The following KIRREL3 variants were observed in gnomAD, a reference collection of about 807,000 sequenced individuals.
KIRREL3 encodes the protein kin of IRRE-like protein 3.
KIRREL3 carries 36 observed loss-of-function variants against 89.7 expected under a neutral mutation model. The observed-to-expected ratio is 0.40, with a 90% CI of 0.31 to 0.53. The LOEUF is 0.53. KIRREL3 is among the 20% of genes least tolerant of loss of function. KIRREL3 has a pLI of 0.49. For missense variants in KIRREL3, 864 were observed against 1,056.6 expected (o/e 0.82, Z 2.53); for synonymous variants, 445 against 441.4 (o/e 1.01, Z -0.10).
At chr11:126,646,751 A>C (rs1047193048) in intron 1 of KIRREL3, among the ~76,000 whole-genome samples, 1 of 152,168 alleles carries the variant, frequency 6.6e-6, no homozygotes, top group Non-Finnish European at 1.5e-5. Flanking sequence ...CTGGGATTAC[A>C]GGAGTGAGCC....
At chr11:126,717,484 T>A (rs1248911694) in intron 1 of KIRREL3, among the ~76,000 whole-genome samples, 1 of 152,168 alleles carries the variant, frequency 6.6e-6, no homozygotes, top group Admixed American at 6.5e-5. Flanking sequence ...CTCAGATGCT[T>A]TGAAAGTTCT....
chr11:126,870,171 C>T lies in KIRREL3; in HGVS notation c.55+130284G>A, dbSNP rs969914264. On this transcript the variant is annotated intron_variant, in intron 1 of 16. Transcript: ENST00000525144. The surrounding 1 kb of genome is among the most constrained non-coding windows in gnomAD (Gnocchi z 4.4). ...GAGTGTGGGGCACAGGGTCGTATGT[C>T]CTGGGGCAGGGCTCCCTGTTCACGG... Among the ~76,000 whole-genome samples, 3 of 152,138 alleles carry T rather than the reference C, an allele frequency of 2.0e-5. No individual in the cohort carries two copies. The highest frequency in any genetic ancestry group is 7.2e-5 in the African/African-American group (3 of 41,428).
chr11:126,714,639 A>C (rs1159280727), intron 1 of KIRREL3, among the ~76,000 whole-genome samples: 1 of 152,154 alleles, frequency 6.6e-6, no homozygotes, highest in Non-Finnish European at 1.5e-5. Context: ...GGAGAATGCC[A>C]CGTCCCAGAG....
In KIRREL3 at chr11:126,512,151, C is replaced by G. The variant is rs567898546; in HGVS notation, c.433+9164G>C. Among the ~76,000 whole-genome samples, 3 of 152,348 alleles carry G rather than the reference C, an allele frequency of 2.0e-5. No individual in the cohort carries two copies. The South Asian group carries it at 6.2e-4, about 32-fold the overall frequency. On this transcript the variant is annotated intron_variant, in intron 4 of 16. Coordinates refer to ENST00000525144, the MANE Select transcript of KIRREL3 (RefSeq NM_032531.4). ...CGATGAGTCTGTGCTTCCATTACCC[C>G]CCTCTTTCCTGGGCCTGACAAGGAG...
rs1190405954 is a variant in KIRREL3, at chr11:126,924,430, T to C, written c.55+76025A>G. ...AAATATGTGTTCAATGAAAAAATAA[T>C]TGGGATCTAAAATAAAGAGGATTTC... is the stretch of plus-strand genomic sequence containing the variant. On this transcript the variant is annotated intron_variant, in intron 1 of 16. Coordinates refer to ENST00000525144, the MANE Select transcript of KIRREL3 (RefSeq NM_032531.4). This position sits in a 1 kb window ranked among gnomAD's most constrained non-coding sequence, Gnocchi z 4.7. Among the ~76,000 whole-genome samples the C allele has an allele frequency of 2.6e-5, 4 of 152,130 alleles. No individual in the cohort carries two copies. Among genetic ancestry groups the C allele is most frequent in the South Asian group, 2.1e-4 (1 of 4,828 alleles).
chr11:126,862,097 G>A (rs914440730), intron 1 of KIRREL3, among the ~76,000 whole-genome samples: 1 of 152,242 alleles, frequency 6.6e-6, no homozygotes, highest in Non-Finnish European at 1.5e-5. Flanking sequence ...CCAGGTGATG[G>A]AGGGAGGAAA....
rs1420898189 is a variant in KIRREL3, at chr11:126,528,737, AG to A, written c.134-2051del. On this transcript the variant is annotated intron_variant, in intron 2 of 16. Coordinates refer to ENST00000525144, the MANE Select transcript of KIRREL3 (RefSeq NM_032531.4). This position sits in a 1 kb window ranked among gnomAD's most constrained non-coding sequence, Gnocchi z 4.6. ...AGGAGGGAAGAGATGAGAGAGGAGA[AG>A]GGGAGAGGAGGGAGGGACTGGAGAG... 6.6e-6 allele frequency among the ~76,000 whole-genome samples: 1 copy of A among 150,956 alleles called. No individual in the cohort carries two copies. Among genetic ancestry groups the A allele is most frequent in the African/African-American group, 2.4e-5 (1 of 41,064 alleles).
In KIRREL3 at chr11:126,587,631, G is replaced by A. The variant is rs959725257; in HGVS notation, c.56-24719C>T. ...AATCCCTGAATCAAAATAAAAATCC[G>A]GCTGCACTTTATCTCGCTGAAGGAC... On this transcript the variant is annotated intron_variant, in intron 1 of 16. Coordinates refer to ENST00000525144, the MANE Select transcript of KIRREL3 (RefSeq NM_032531.4). This position sits in a 1 kb window ranked among gnomAD's most constrained non-coding sequence, Gnocchi z 5.2. Among the ~76,000 whole-genome samples, 5 of 152,120 alleles carry A rather than the reference G, an allele frequency of 3.3e-5. No homozygotes were observed. Among genetic ancestry groups the A allele is most frequent in the Admixed American group, 1.3e-4 (2 of 15,270 alleles).
At chr11:126,466,801 G>T (rs1193410663) in intron 5 of KIRREL3, among the ~76,000 whole-genome samples, 2 of 152,130 alleles carry the variant, frequency 1.3e-5, no homozygotes, top group Non-Finnish European at 2.9e-5. Context: ...CACACCATGG[G>T]CATTGAACCT....
rs140203708 is a variant in KIRREL3 at position 126,438,950 on chromosome 11, A to G, written c.1353+1499T>C. On this transcript the variant is annotated intron_variant, in intron 11 of 16. Coordinates refer to ENST00000525144, the MANE Select transcript of KIRREL3 (RefSeq NM_032531.4). ...CCTGCACAACTGCCCTGCCCACTCC[A>G]CCCCTGGACAGTCTTCTAGCAGGAT... is the stretch of plus-strand genomic sequence containing the variant. 3.1e-3 allele frequency among the ~76,000 whole-genome samples: 474 copies of G among 152,226 alleles called. 6 individuals carry two copies. Among genetic ancestry groups the G allele is most frequent in the African/African-American group, 0.011 (441 of 41,534 alleles).
At position 126,557,105 on chromosome 11, in the gene KIRREL3, G is replaced by A. The variant is rs1326701723; in HGVS notation, c.133+5730C>T. Among the ~76,000 whole-genome samples, 1 of 152,162 alleles carries A rather than the reference G, an allele frequency of 6.6e-6. No homozygotes were observed. The highest frequency in any genetic ancestry group is 6.5e-5 in the Admixed American group (1 of 15,284). On this transcript the variant is annotated intron_variant, in intron 2 of 16. Coordinates refer to ENST00000525144, the MANE Select transcript of KIRREL3 (RefSeq NM_032531.4). The surrounding 1 kb of genome is among the most constrained non-coding windows in gnomAD (Gnocchi z 5.6). Reference sequence around the variant, plus strand: ...CTGCAACAGAGTGAGAAGTGCTGCCGGTAGCAGGGAGGCCTGCTCATCCCT... The same window carrying A: ...CTGCAACAGAGTGAGAAGTGCTGCCAGTAGCAGGGAGGCCTGCTCATCCCT...
chr11:126,909,250 G>A lies in KIRREL3; in HGVS notation c.55+91205C>T, dbSNP rs949286993. 7.2e-5 allele frequency among the ~76,000 whole-genome samples: 11 copies of A among 152,124 alleles called. No homozygotes were observed. The highest frequency in any genetic ancestry group is 1.4e-4 in the African/African-American group (6 of 41,436). On this transcript the variant is annotated intron_variant, in intron 1 of 16. Coordinates refer to ENST00000525144, the MANE Select transcript of KIRREL3 (RefSeq NM_032531.4). This position sits in a 1 kb window ranked among gnomAD's most constrained non-coding sequence, Gnocchi z 4.5. ...GGAGAGGGAGGAGTTCATGGGAGGTGTGGCACTAAAACCCAGGCTCCGGCC... is the reference window on the plus strand; with the variant it reads ...GGAGAGGGAGGAGTTCATGGGAGGTATGGCACTAAAACCCAGGCTCCGGCC...
In KIRREL3 at chr11:126,766,250, C is replaced by A. The variant is rs1033345298; in HGVS notation, c.56-203338G>T. ...CTCAGTTGGCTGAGAACAGTAGGAG[C>A]CCATAACAGACAGCATGTCATCCAT... On this transcript the variant is annotated intron_variant, in intron 1 of 16. Coordinates refer to ENST00000525144, the MANE Select transcript of KIRREL3 (RefSeq NM_032531.4). This position sits in a 1 kb window ranked among gnomAD's most constrained non-coding sequence, Gnocchi z 4.2. Among the ~76,000 whole-genome samples, 4 of 152,026 alleles carry A rather than the reference C, an allele frequency of 2.6e-5. No homozygotes were observed. Among genetic ancestry groups the A allele is most frequent in the Admixed American group, 2.6e-4 (4 of 15,250 alleles).
rs574092603 is a variant in KIRREL3, at chr11:126,867,201, G to A, written c.55+133254C>T. On this transcript the variant is annotated intron_variant, in intron 1 of 16. Coordinates refer to ENST00000525144, the MANE Select transcript of KIRREL3 (RefSeq NM_032531.4). The surrounding 1 kb of genome is among the most constrained non-coding windows in gnomAD (Gnocchi z 4.7). ...TGCTCCCCCCAGGGGTTTGAGCAGC[G>A]GGGCATCTATGCAGCGAGCCACACT... 3.3e-5 allele frequency among the ~76,000 whole-genome samples: 5 copies of A among 152,352 alleles called. No homozygotes were observed. The highest frequency in any genetic ancestry group is 1.2e-4 in the African/African-American group (5 of 41,576).
chr11:126,946,997 C>A lies in KIRREL3; in HGVS notation c.55+53458G>T, dbSNP rs746907133. On this transcript the variant is annotated intron_variant, in intron 1 of 16. Transcript: ENST00000525144. This position sits in a 1 kb window ranked among gnomAD's most constrained non-coding sequence, Gnocchi z 4.1. Reference sequence around the variant, plus strand: ...GGCAGAAAGAACCAGAAATCTTATCCGCTAGGCTCTAGAACCCAAGTTCCT... The same window carrying A: ...GGCAGAAAGAACCAGAAATCTTATCAGCTAGGCTCTAGAACCCAAGTTCCT... Among the ~76,000 whole-genome samples, 1 of 152,102 alleles carries A rather than the reference C, an allele frequency of 6.6e-6. No homozygotes were observed. The highest frequency in any genetic ancestry group is 1.5e-5 in the Non-Finnish European group (1 of 68,026).
intron 1 of KIRREL3, among the ~76,000 whole-genome samples, chr11:126,862,143 C>T (rs945871895): frequency 1.3e-5 from 2 of 152,220 alleles, no homozygotes; most frequent in Non-Finnish European, 2.9e-5. Context: ...GAGCTGAGCT[C>T]TTCCCCTAGC....
In KIRREL3 at chr11:126,808,631, C is replaced by G. The variant is rs1391091115; in HGVS notation, c.55+191824G>C. ...CAAAATGGAGCCAAATGGGCGGGGG[C>G]CTTTTTCTGCGCTTTTTAACCATCT... On this transcript the variant is annotated intron_variant, in intron 1 of 16. Transcript: ENST00000525144. This position sits in a 1 kb window ranked among gnomAD's most constrained non-coding sequence, Gnocchi z 4.1. Among the ~76,000 whole-genome samples, 1 of 152,148 alleles carries G rather than the reference C, an allele frequency of 6.6e-6. No individual in the cohort carries two copies. The highest frequency in any genetic ancestry group is 1.5e-5 in the Non-Finnish European group (1 of 68,016).
rs114043989 is a variant in KIRREL3, at chr11:126,428,593, A to G, written c.1806+586T>C. Among the ~76,000 whole-genome samples, 701 of 152,216 alleles carry G rather than the reference A, an allele frequency of 4.6e-3. 5 individuals carry two copies. Among genetic ancestry groups the G allele is most frequent in the African/African-American group, 0.016 (670 of 41,514 alleles). On this transcript the variant is annotated intron_variant, in intron 15 of 16. Transcript: ENST00000525144. The surrounding 1 kb of genome is among the most constrained non-coding windows in gnomAD (Gnocchi z 6.4). The stretch of plus-strand genomic sequence containing the variant: ...AACAACATATTGTGGCAATTTATGC[A>G]TATGTCTTTTCTCCTTACTGAAGAG...
chr11:126,746,868 T>A (rs909835698), intron 1 of KIRREL3, among the ~76,000 whole-genome samples: 11 of 152,124 alleles, frequency 7.2e-5, no homozygotes, highest in African/African-American at 2.7e-4. Flanking sequence ...CTGCAGTCCC[T>A]CCCCTTGAGA....
Sources: allele counts gnomAD v4.1 joint callset (sites outside exome capture counted in the v4.1 genomes callset), GRCh38; gene constraint gnomAD v4.1.1; non-coding constraint Gnocchi (gnomAD v3.1); transcripts MANE v1.5; gene names NCBI Gene and HGNC (gene_info 2026-07-23, HGNC 2026-07-21).